Variants in NKAIN3 observed in about 807,000 individuals in gnomAD.
NKAIN3 encodes the protein sodium/potassium-transporting ATPase subunit beta-1-interacting protein 3.
A neutral mutation model predicts 30.2 loss-of-function variants in NKAIN3; 25 were observed. The observed-to-expected ratio is 0.83, with a 90% confidence interval of 0.60 to 1.16. NKAIN3 has a LOEUF of 1.16. Among genes scored for constraint, NKAIN3 ranks in the 50% most tolerant of loss-of-function variants. NKAIN3 has a pLI of 0.00. For missense variants in NKAIN3, 225 were observed against 254.1 expected (o/e 0.89, Z 0.78); for synonymous variants, 91 against 89.6 (o/e 1.02, Z -0.09).
Position 62,984,451 on chromosome 8 carries a change from T to C in NKAIN3, c.*19044T>C, listed in dbSNP as rs1032142648. 1.9e-4 allele frequency: 29 copies of C among 152,210 alleles called. No homozygotes were observed. Among genetic ancestry groups the C allele is most frequent in the African/African-American group, 6.5e-4 (27 of 41,446 alleles). The allele number at this position is 152,210 out of a possible 1,614,324, so 9.4% of individuals were successfully genotyped here. On this transcript the variant is annotated 3_prime_UTR_variant, in exon 7 of 7. Transcript: ENST00000623646. Reference sequence around the variant, plus strand: ...TAGATTGCTTGCCAGCAAAGATGTCTCTTGATCTTGACACTGGAATTCAAT... The same window carrying C: ...TAGATTGCTTGCCAGCAAAGATGTCCCTTGATCTTGACACTGGAATTCAAT...
chr8:62,832,346 T>C (rs1428897329), intron 4 of NKAIN3, among the ~76,000 whole-genome samples: 2 of 151,364 alleles, frequency 1.3e-5, no homozygotes, highest in East Asian at 1.9e-4. Flanking sequence ...GTTACTAATA[T>C]ATAGAAACTA....
At chr8:62,479,946 C>T (rs1344433896) in intron 1 of NKAIN3, among the ~76,000 whole-genome samples, 4 of 152,134 alleles carry the variant, frequency 2.6e-5, no homozygotes, top group South Asian at 2.1e-4. Flanking sequence ...AAAATCCCAG[C>T]GTTTCCCCAG....
intron 2 of NKAIN3, among the ~76,000 whole-genome samples, chr8:62,585,511 A>G (rs528114958): frequency 6.6e-6 from 1 of 152,236 alleles, no homozygotes; most frequent in African/African-American, 2.4e-5. Flanking sequence ...CATGGAAGAC[A>G]ATTTTTCCAG....
intron 4 of NKAIN3, among the ~76,000 whole-genome samples, chr8:62,769,305 T>C (rs1816946253): frequency 6.6e-6 from 1 of 152,200 alleles, no homozygotes; most frequent in South Asian, 2.1e-4. Context: ...ATTATCCGGA[T>C]GTGTAATTTA....
rs144901606 is a variant in NKAIN3, at chr8:62,650,246, C to T, written c.273+60452C>T. Among the ~76,000 whole-genome samples, 226 of 152,238 alleles carry T rather than the reference C, an allele frequency of 1.5e-3. 1 individual carries two copies. Among genetic ancestry groups the T allele is most frequent in the African/African-American group, 5.0e-3 (208 of 41,548 alleles). On this transcript the variant is annotated intron_variant, in intron 3 of 6. Transcript: ENST00000623646. Reference sequence around the variant, plus strand: ...TTTATTTTCACAACATTTCTCTTATCAACCCTTCTTTCCTACTCAAATTAT... The same window carrying T: ...TTTATTTTCACAACATTTCTCTTATTAACCCTTCTTTCCTACTCAAATTAT...
chr8:62,278,354 C>T (rs1813036451), intron 1 of NKAIN3, among the ~76,000 whole-genome samples: 1 of 150,866 alleles, frequency 6.6e-6, no homozygotes, highest in South Asian at 2.1e-4. Context: ...AAAACCATGC[C>T]TGACAGGACC....
intron 3 of NKAIN3, among the ~76,000 whole-genome samples, chr8:62,717,034 A>G (rs1814926016): frequency 6.6e-6 from 1 of 152,210 alleles, no homozygotes; most frequent in South Asian, 2.1e-4. Flanking sequence ...TCAATGACTG[A>G]ATTATCATAG....
At chr8:62,656,214 C>T (rs879262315) in intron 3 of NKAIN3, among the ~76,000 whole-genome samples, 1 of 152,144 alleles carries the variant, frequency 6.6e-6, no homozygotes, top group Non-Finnish European at 1.5e-5. Flanking sequence ...TCCCTGTTTT[C>T]CCATTTACAT....
At chr8:62,468,809 AC>A (rs1281856833) in intron 1 of NKAIN3, among the ~76,000 whole-genome samples, 1 of 152,102 alleles carries the variant, frequency 6.6e-6, no homozygotes, top group Non-Finnish European at 1.5e-5. Context: ...TCTGGAAGTA[AC>A]TGGCATCATC....
intron 1 of NKAIN3, among the ~76,000 whole-genome samples, chr8:62,543,887 T>C (rs1324256612): frequency 2.0e-5 from 3 of 152,108 alleles, no homozygotes; most frequent in African/African-American, 7.2e-5. Flanking sequence ...TTTTTATCAG[T>C]GCAAAAAGTA....
At chr8:62,323,236 T>C (rs570159493) in intron 1 of NKAIN3, among the ~76,000 whole-genome samples, 82 of 152,294 alleles carry the variant, frequency 5.4e-4, no homozygotes, top group South Asian at 1.9e-3. Flanking sequence ...CCCAAATGTC[T>C]ACAACAGCTT....
intron 1 of NKAIN3, among the ~76,000 whole-genome samples, chr8:62,337,146 CAG>C (rs971339247): frequency 5.3e-5 from 8 of 152,036 alleles, no homozygotes; most frequent in African/African-American, 1.4e-4. Flanking sequence ...GTCCAACAAA[CAG>C]AAAGTGAAAG....
In NKAIN3 at chr8:62,473,579, A is replaced by G. The variant is rs557733577; in HGVS notation, c.55-105960A>G. Reference sequence around the variant, plus strand: ...TTAAAGGGGTCAAAAATGGGAGCTTATAAAGAATCTTTCTTATTCATCTTT... The same window carrying G: ...TTAAAGGGGTCAAAAATGGGAGCTTGTAAAGAATCTTTCTTATTCATCTTT... On this transcript the variant is annotated intron_variant, in intron 1 of 6. Coordinates refer to ENST00000623646, the MANE Select transcript of NKAIN3 (RefSeq NM_001304533.3). 3.3e-5 allele frequency: 5 copies of G among 152,324 alleles called. No individual in the cohort carries two copies. The South Asian group carries it at 1.0e-3, about 32-fold the overall frequency. 9.4% of individuals were successfully genotyped at this position (152,324 alleles called of 1,614,324 possible).
intron 4 of NKAIN3, among the ~76,000 whole-genome samples, chr8:62,790,033 C>T (rs1185796446): frequency 6.6e-6 from 1 of 152,150 alleles, no homozygotes; most frequent in Admixed American, 6.6e-5. Context: ...AGACCAATAT[C>T]CTTGATGAAC....
intron 1 of NKAIN3, among the ~76,000 whole-genome samples, chr8:62,496,280 C>A (rs1807234480): frequency 4.6e-5 from 7 of 152,090 alleles, no homozygotes; most frequent in Admixed American, 4.6e-4. Flanking sequence ...GCCTTCCAAT[C>A]AGCATGAAAA....
chr8:62,626,509 T>C (rs1050496503), intron 3 of NKAIN3, among the ~76,000 whole-genome samples: 2 of 152,054 alleles, frequency 1.3e-5, no homozygotes, highest in Non-Finnish European at 2.9e-5. Context: ...TATTCAGCAC[T>C]AAACTGCAGT....
At chr8:62,775,043 T>C (rs958406895) in intron 4 of NKAIN3, among the ~76,000 whole-genome samples, 3 of 152,168 alleles carry the variant, frequency 2.0e-5, no homozygotes, top group African/African-American at 7.2e-5. Context: ...CAAGCTTTTC[T>C]TTGCTGGGAG....
chr8:62,582,038 A>G (rs1204933687), intron 2 of NKAIN3, among the ~76,000 whole-genome samples: 1 of 74,490 alleles, frequency 1.3e-5, no homozygotes, highest in Non-Finnish European at 2.7e-5. Context: ...CCTCCCACCC[A>G]TCCTCACTCC....
intron 4 of NKAIN3, among the ~76,000 whole-genome samples, chr8:62,833,677 C>G (rs901979287): frequency 3.5e-4 from 53 of 151,688 alleles, no homozygotes; most frequent in African/African-American, 1.1e-3. Context: ...AAAATTGAAT[C>G]AGTAGTAGAA....
Sources: gnomAD v4.1 joint callset for allele counts (sites outside exome capture counted in the v4.1 genomes callset) on GRCh38, gnomAD v4.1.1 for gene constraint, MANE v1.5 for transcripts, NCBI Gene and HGNC (gene_info 2026-07-23, HGNC 2026-07-21) for gene names.